CSMD3: variants seen among roughly 807,000 people sequenced by gnomAD.
CSMD3 encodes CUB and sushi domain-containing protein 3.
Under a neutral mutation model 435.2 loss-of-function variants are expected in CSMD3, and 177 were observed. The ratio of observed to expected loss-of-function variants is 0.41; its 90% CI spans 0.36 to 0.46. CSMD3 has a LOEUF of 0.46. Ranked by LOEUF, CSMD3 falls within the 20% of genes least tolerant of loss-of-function variation. The pLI is 0.34. For missense variants in CSMD3, 4,265 were observed against 4,504.6 expected (o/e 0.95, Z 1.52); for synonymous variants, 1,656 against 1,520.5 (o/e 1.09, Z -2.07).
At chr8:112,912,275 C>T (rs980461014) in intron 10 of CSMD3, among the ~76,000 whole-genome samples, 14 of 150,994 alleles carry the variant, frequency 9.3e-5, no homozygotes, top group African/African-American at 3.4e-4. Context: ...GGATAAATAT[C>T]TAGTAGCGGG....
chr8:113,267,735 C>T (rs1362569847), intron 3 of CSMD3, among the ~76,000 whole-genome samples: 4 of 151,484 alleles, frequency 2.6e-5, no homozygotes, highest in Non-Finnish European at 4.4e-5. Flanking sequence ...AGATGATGGC[C>T]ACCCTAAATA....
intron 13 of CSMD3, among the ~76,000 whole-genome samples, chr8:112,720,761 A>G (rs1237891119): frequency 6.6e-6 from 1 of 152,230 alleles, no homozygotes. Context: ...AAGAGTTCAC[A>G]GTCTAGATTT....
intron 7 of CSMD3, among the ~76,000 whole-genome samples, chr8:112,967,011 A>G (rs1330100507): frequency 6.6e-6 from 1 of 151,880 alleles, no homozygotes; most frequent in Non-Finnish European, 1.5e-5. Context: ...TCTTCATCTA[A>G]GTTCTTGCTA....
chr8:113,088,670 T>C (rs956192550), intron 5 of CSMD3, among the ~76,000 whole-genome samples: 3 of 130,594 alleles, frequency 2.3e-5, no homozygotes, highest in South Asian at 4.9e-4. Context: ...TGAGAACACA[T>C]GGACACAAGA....
intron 1 of CSMD3, among the ~76,000 whole-genome samples, chr8:113,338,165 C>G (rs1227234691): frequency 6.6e-6 from 1 of 151,540 alleles, no homozygotes; most frequent in Non-Finnish European, 1.5e-5. Flanking sequence ...AACAAAAGAG[C>G]ACATGAAAAG....
At chr8:112,715,717 G>A (rs760144169) in intron 13 of CSMD3, among the ~76,000 whole-genome samples, 22 of 152,040 alleles carry the variant, frequency 1.4e-4, no homozygotes, top group African/African-American at 2.9e-4. Flanking sequence ...ATCAAAAAGC[G>A]TATCCACCAT....
At chr8:112,781,206 A>G (rs541935079) in intron 13 of CSMD3, among the ~76,000 whole-genome samples, 3 of 152,198 alleles carry the variant, frequency 2.0e-5, no homozygotes, top group African/African-American at 7.2e-5. Context: ...TCTGAAGGAA[A>G]AGACCCAGGC....
chr8:112,800,359 T>TA, intron 12 of CSMD3, 85 bp from the exon 13 acceptor site: 1 of 926,628 alleles, frequency 1.1e-6, no homozygotes, highest in East Asian at 2.4e-5. Context: ...TGTTTCTCAA[T>TA]ACTTTCTTTG....
At chr8:112,694,937 C>T (rs1045012347) in intron 13 of CSMD3, among the ~76,000 whole-genome samples, 5 of 152,270 alleles carry the variant, frequency 3.3e-5, no homozygotes, top group South Asian at 4.1e-4. Flanking sequence ...GTTCATCTCA[C>T]TGAGGCTTGT....
At chr8:113,024,418 G>A (rs1485560677) in intron 5 of CSMD3, among the ~76,000 whole-genome samples, 2 of 149,144 alleles carry the variant, frequency 1.3e-5, no homozygotes, top group Admixed American at 6.7e-5. Flanking sequence ...AATAAAAATA[G>A]GAGTTCATAT....
chr8:112,954,440 A>G (rs1447527491), intron 8 of CSMD3, among the ~76,000 whole-genome samples: 4 of 151,582 alleles, frequency 2.6e-5, no homozygotes, highest in Admixed American at 2.0e-4. Context: ...ATATTTTTAC[A>G]TCTTGAAATA....
intron 1 of CSMD3, among the ~76,000 whole-genome samples, chr8:113,390,614 T>C (rs2094457493): frequency 6.6e-6 from 1 of 151,854 alleles, no homozygotes; most frequent in South Asian, 2.1e-4. Context: ...CCTCTAAAGA[T>C]CAGTAAAATC....
intron 12 of CSMD3, among the ~76,000 whole-genome samples, chr8:112,802,513 C>A (rs2078983009): frequency 6.6e-6 from 1 of 152,006 alleles, no homozygotes; most frequent in Non-Finnish European, 1.5e-5. Flanking sequence ...TATATTATTT[C>A]TCTTTTTTGC....
chr8:112,408,924 T>C lies in CSMD3; in HGVS notation c.5504A>G (p.His1835Arg), dbSNP rs1382912642. The change falls in exon 33 of 71, where the codon CAT becomes CGT. Residue 1835 changes from histidine (H) to arginine (R), a missense_variant. His to Arg is a conservative substitution (Grantham distance 29). Around this residue, in one of 3 missense-constraint regions of CSMD3, gnomAD observed 3,255 missense variants for 3,380.2 expected, o/e 0.96. Coordinates refer to ENST00000297405, the MANE Select transcript of CSMD3 (RefSeq NM_198123.2). ...SSLLSSLSGS[H>R]SGESLPLSSG... is the part of the protein sequence containing the mutation. ...GCAGTTCTATTAAAGGATACCTGAA[T>C]GGGATCCTGAGAGGGAAGATAACAG... is the stretch of plus-strand genomic sequence containing the variant. The C allele has an allele frequency of 1.9e-6, 3 of 1,613,410 alleles. No individual in the cohort carries two copies. The highest frequency in any genetic ancestry group is 1.3e-5 in the African/African-American group (1 of 74,882).
intron 7 of CSMD3, among the ~76,000 whole-genome samples, chr8:112,965,501 G>T (rs1456523070): frequency 2.0e-5 from 3 of 151,838 alleles, no homozygotes; most frequent in Non-Finnish European, 4.4e-5. Flanking sequence ...TTTCCTTAAA[G>T]ACCTACTCAA....
At chr8:113,342,626 C>T (rs2094127515) in intron 1 of CSMD3, among the ~76,000 whole-genome samples, 1 of 152,076 alleles carries the variant, frequency 6.6e-6, no homozygotes, top group African/African-American at 2.4e-5. Context: ...CCCCTAAAGT[C>T]AGAAGCCTAA....
intron 3 of CSMD3, among the ~76,000 whole-genome samples, chr8:113,232,742 C>T (rs1444048494): frequency 2.0e-5 from 3 of 151,630 alleles, no homozygotes; most frequent in Non-Finnish European, 4.4e-5. Context: ...TTTGATTACC[C>T]GTAAGTGCCA....
chr8:112,311,890 A>T (rs546980176), intron 49 of CSMD3, among the ~76,000 whole-genome samples: 1 of 152,288 alleles, frequency 6.6e-6, no homozygotes, highest in Admixed American at 6.5e-5. Flanking sequence ...GTAAATAGTA[A>T]GAAACAAATT....
At chr8:112,783,487 G>A (rs1412837831) in intron 13 of CSMD3, among the ~76,000 whole-genome samples, 1 of 75,754 alleles carries the variant, frequency 1.3e-5, no homozygotes, top group East Asian at 4.5e-4. Context: ...GGAAGGGAGA[G>A]AAGGGAGGGA....
Sources: gnomAD v4.1 joint callset for allele counts (sites outside exome capture counted in the v4.1 genomes callset) on GRCh38, gnomAD v4.1.1 for gene constraint, gnomAD v4.1.1 regional missense constraint, MANE v1.5 for transcripts, NCBI Gene and HGNC (gene_info 2026-07-23, HGNC 2026-07-21) for gene names.